The following GK variants were observed in gnomAD, a reference collection of about 807,000 sequenced individuals.
GK encodes the protein ATP:glycerol 3-phosphotransferase.
GK carries 9 observed loss-of-function variants against 56.4 expected under a neutral mutation model. The ratio of observed to expected loss-of-function variants is 0.16; its 90% CI spans 0.10 to 0.28. GK has a LOEUF of 0.28. Ranked by LOEUF, GK falls within the 10% of genes least tolerant of loss-of-function variation. The probability of loss-of-function intolerance (pLI) is 1.00; values close to 1 mark genes in which losing one functional copy is unlikely to be tolerated. For missense variants in GK, 161 were observed against 431.4 expected (o/e 0.37, Z 5.55); for synonymous variants, 104 against 144.1 (o/e 0.72, Z 1.99).
Position 30,694,449 on chromosome X carries a change from G to T in GK, c.464G>T (p.Arg155Leu), listed in dbSNP as rs937400801. The change falls in exon 6 of 21, where the codon CGT becomes CTT. Residue 155 changes from arginine (R) to leucine (L), a missense_variant. By Grantham distance (102) the Arg-to-Leu change is moderately radical. Coordinates refer to ENST00000427190, the MANE Select transcript of GK (RefSeq NM_001205019.2). Reference protein sequence around the residue: ...LSTYFSAVKLRWLLDNVRKVQ... With the variant: ...LSTYFSAVKLLWLLDNVRKVQ... ...ACTTACTTCAGTGCAGTGAAACTTC[G>T]TTGGCTCCTTGACAATGTGAGAAAA... 5.0e-6 allele frequency: 6 copies of T among 1,199,881 alleles called. No individual in the cohort carries two copies. The highest frequency in any genetic ancestry group is 6.8e-6 in the Non-Finnish European group (6 of 884,865).
chrX:30,694,000 G>A (rs1935116739), intron 5 of GK, among the ~76,000 whole-genome samples: 1 of 111,905 alleles, frequency 8.9e-6, no homozygotes, highest in African/African-American at 3.2e-5. Context: ...ATTAGTTTAT[G>A]ATTTGGTATA....
intron 4 of GK, among the ~76,000 whole-genome samples, chrX:30,686,380 C>CT (rs1934614297): frequency 8.9e-6 from 1 of 112,381 alleles, no homozygotes; most frequent in African/African-American, 3.2e-5. Flanking sequence ...CTTTGTATAA[C>CT]TGTCAGCAGT....
intron 13 of GK, among the ~76,000 whole-genome samples, chrX:30,709,567 G>A (rs1601938231): frequency 9.0e-6 from 1 of 111,412 alleles, no homozygotes; most frequent in South Asian, 3.8e-4. Context: ...TTCATTGGGT[G>A]CATTGCAATT....
intron 3 of GK, among the ~76,000 whole-genome samples, chrX:30,670,596 C>T (rs893290980): frequency 2.0e-5 from 2 of 99,704 alleles, no homozygotes; most frequent in South Asian, 8.2e-4. Flanking sequence ...GCCAGTTGTA[C>T]TATTTTTTTT....
At chrX:30,719,537 T>A (rs1388850353) in intron 15 of GK, 22 bp downstream of exon 15, 3 of 898,667 alleles carry the variant, frequency 3.3e-6, no homozygotes, top group Non-Finnish European at 4.9e-6. Flanking sequence ...AAATATGGAG[T>A]GCTTTTGGGG....
chrX:30,708,404 T>G (rs930110473), intron 13 of GK, among the ~76,000 whole-genome samples: 5 of 110,360 alleles, frequency 4.5e-5, no homozygotes, highest in Non-Finnish European at 9.5e-5. Context: ...TGTAAGGTTT[T>G]TTTTTTTTTT....
intron 1 of GK, among the ~76,000 whole-genome samples, chrX:30,660,119 A>T (rs1932641729): frequency 9.0e-6 from 1 of 111,135 alleles, no homozygotes; most frequent in Non-Finnish European, 1.9e-5. Context: ...CCAAATCTGG[A>T]ATTGAGTCAT....
chrX:30,666,706 G>A (rs995451222), intron 2 of GK, among the ~76,000 whole-genome samples: 2 of 112,165 alleles, frequency 1.8e-5, no homozygotes, highest in African/African-American at 6.5e-5. Context: ...TAATTTTTTA[G>A]AGTTCCTTTG....
At chrX:30,679,089 T>C (rs2147169167) in intron 4 of GK, among the ~76,000 whole-genome samples, 1 of 110,675 alleles carries the variant, frequency 9.0e-6, no homozygotes, top group South Asian at 3.8e-4. Flanking sequence ...GACTAGTATT[T>C]AGGAGAGTAT....
intron 4 of GK, among the ~76,000 whole-genome samples, chrX:30,685,631 T>C (rs944464246): frequency 6.2e-5 from 7 of 112,494 alleles, no homozygotes; most frequent in African/African-American, 2.3e-4. Flanking sequence ...GATTGAATTA[T>C]TCAAATCTGG....
chrX:30,677,156 G>A (rs1459522861), intron 3 of GK, among the ~76,000 whole-genome samples: 2 of 112,262 alleles, frequency 1.8e-5, no homozygotes, highest in African/African-American at 6.5e-5. Context: ...AGTAAAGCTG[G>A]AAGGAGTATG....
chrX:30,654,863 A>T (rs1199315039), intron 1 of GK, among the ~76,000 whole-genome samples: 1 of 112,983 alleles, frequency 8.9e-6, no homozygotes, highest in Non-Finnish European at 1.9e-5. Context: ...ATGATTATTT[A>T]GCTCTTCACT....
Position 30,719,480 on chromosome X carries a change from G to T in GK, c.1116G>T (p.Gly372=), listed in dbSNP as rs763592549. ...GCTACTTCGTCCCAGCATTTTCGGG[G>T]TTATATGCACCTTATTGGGAGCCCA... The part of the protein sequence containing the change: ...YGCYFVPAFS[G]LYAPYWEPSA... The change falls in exon 15 of 21, where the codon GGG becomes GGT. Residue 372 remains glycine (G), a synonymous_variant. Transcript: ENST00000427190. 43 of 1,183,503 alleles carry T rather than the reference G, an allele frequency of 3.6e-5. No individual in the cohort carries two copies. In the South Asian group the frequency reaches 6.4e-4, roughly 18 times the overall value.
intron 1 of GK, among the ~76,000 whole-genome samples, chrX:30,655,103 A>G (rs1367888263): frequency 2.7e-5 from 3 of 111,841 alleles, no homozygotes; most frequent in Non-Finnish European, 5.7e-5. Flanking sequence ...ATCTTATTTA[A>G]TGACTTACCC....
chrX:30,714,539 A>AC (rs1936511391), intron 13 of GK, among the ~76,000 whole-genome samples: 1 of 111,616 alleles, frequency 9.0e-6, no homozygotes, highest in Admixed American at 9.5e-5. Flanking sequence ...TATCTGAGGG[A>AC]CCCCCAGTGG....
chrX:30,707,736 C>A, intron 12 of GK, 138 bp downstream of exon 12: 1 of 456,399 alleles, frequency 2.2e-6, no homozygotes. Context: ...GAGCTCAATA[C>A]AAAATTTGAA....
At chrX:30,727,576 A>T (rs1274577331) in intron 20 of GK, 24 bp downstream of exon 20, 1 of 915,498 alleles carries the variant, frequency 1.1e-6, no homozygotes, top group African/African-American at 1.9e-5. Context: ...TAAATTAGAC[A>T]ACTCTATTAG....
At chrX:30,660,157 C>T (rs1216570802) in intron 1 of GK, among the ~76,000 whole-genome samples, 1 of 111,090 alleles carries the variant, frequency 9.0e-6, no homozygotes, top group East Asian at 2.8e-4. Flanking sequence ...GAATATAGAC[C>T]TGGTGACTTC....
rs1931999692 is a variant in GK at position 30,653,606 on chromosome X, G to C, written c.69G>C (p.Thr23=). 1 of 1,207,040 alleles carries C rather than the reference G, an allele frequency of 8.3e-7. No homozygotes were observed. Among genetic ancestry groups the C allele is most frequent in the African/African-American group, 1.7e-5 (1 of 57,318 alleles). The change falls in exon 1 of 21, where the codon ACG becomes ACC. Residue 23 remains threonine (T), a synonymous_variant. Transcript: ENST00000427190. ...CGGTGGACCAGGGCACCAGTTCGAC[G>C]CGCTTTTTGGTGAGCCCGGGGTGAC... is the stretch of plus-strand genomic sequence containing the variant. ...VGAVDQGTSS[T]RFLVFNSKTA...
Sources: gnomAD v4.1 joint callset for allele counts (sites outside exome capture counted in the v4.1 genomes callset) on GRCh38, gnomAD v4.1.1 for gene constraint, MANE v1.5 for transcripts, NCBI Gene and HGNC (gene_info 2026-07-23, HGNC 2026-07-21) for gene names.